The following WIPF3 variants were observed in gnomAD, a reference collection of about 807,000 sequenced individuals.
WIPF3 encodes the protein WAS/WASL interacting protein family member 3, also known as WAS/WASL-interacting protein family member 3.
Under a neutral mutation model 38.9 loss-of-function variants are expected in WIPF3, and 33 were observed. The ratio of observed to expected loss-of-function variants is 0.85; its 90% CI spans 0.64 to 1.14. The LOEUF is 1.14. Ranked by LOEUF, WIPF3 falls within the 50% of genes most tolerant of loss-of-function variation. The pLI, the probability that WIPF3 is intolerant of heterozygous loss-of-function variation, is 0.00. For synonymous variants in WIPF3, 324 were observed against 269.3 expected (o/e 1.20, Z -1.99); for missense variants, 711 against 652.5 (o/e 1.09, Z -0.98).
rs914624375 is a variant in WIPF3 at position 29,832,156 on chromosome 7, C to T, written c.-57-2512C>T. Among the ~76,000 whole-genome samples the T allele has an allele frequency of 5.3e-5, 8 of 152,276 alleles. No homozygotes were observed. The East Asian group carries it at 1.3e-3, about 26-fold the overall frequency. Reference sequence around the variant, plus strand: ...ATATAATGAGACCTCTAGATATTCTCGTTCTGTTAATACTTCAACCAACTC... The same window carrying T: ...ATATAATGAGACCTCTAGATATTCTTGTTCTGTTAATACTTCAACCAACTC... On this transcript the variant is annotated intron_variant, in intron 1 of 8. Transcript: ENST00000242140.
chr7:29,890,755 G>C (rs888342350), intron 7 of WIPF3, among the ~76,000 whole-genome samples: 1 of 148,148 alleles, frequency 6.8e-6, no homozygotes, highest in Non-Finnish European at 1.5e-5. Context: ...CAGGTGGAGG[G>C]GGCTCAGGCC....
intron 8 of WIPF3, among the ~76,000 whole-genome samples, chr7:29,911,678 A>G (rs933721822): frequency 2.6e-5 from 4 of 152,196 alleles, no homozygotes; most frequent in African/African-American, 9.6e-5. Flanking sequence ...ACCATTCAAT[A>G]GGGAAAAGGT....
chr7:29,880,715 G>A (rs975113679), intron 4 of WIPF3, among the ~76,000 whole-genome samples: 2 of 152,170 alleles, frequency 1.3e-5, no homozygotes, highest in African/African-American at 4.8e-5. Context: ...TAATGGGGAA[G>A]ACAAGAATTT....
chr7:29,884,472 AC>A lies in WIPF3; in HGVS notation c.983del (p.Pro328LeufsTer46), dbSNP rs751385800. 3.3e-6 allele frequency: 5 copies of A among 1,526,636 alleles called. No individual in the cohort carries two copies. The highest frequency in any genetic ancestry group is 4.2e-5 in the Admixed American group (2 of 48,138). The allele number at this position is 1,526,636 out of a possible 1,614,324, so 94.6% of individuals were successfully genotyped here. A position where few individuals can be genotyped will look rare whatever the true frequency, so the allele number is the denominator to read the frequency against. On this transcript the variant is annotated frameshift_variant, in exon 5 of 9. Transcript: ENST00000242140. LOFTEE classifies it high-confidence loss of function. Reference sequence around the variant, plus strand: ...GCAGCAGTGAAACTCCACCCCCGCTACCCCCTAAATCCCCCAGCTTCCAGGC... The same window carrying A: ...GCAGCAGTGAAACTCCACCCCCGCTACCCCTAAATCCCCCAGCTTCCAGGC... ...NSSSETPPPL[P>X]PKSPSFQAPP...
At chr7:29,862,141 T>C (rs1212723034) in intron 2 of WIPF3, among the ~76,000 whole-genome samples, 1 of 152,128 alleles carries the variant, frequency 6.6e-6, no homozygotes, top group Non-Finnish European at 1.5e-5. Flanking sequence ...ATATAATTCA[T>C]GGGGCATTTT....
At chr7:29,807,085 A>G (rs1343659405) in intron 1 of WIPF3, among the ~76,000 whole-genome samples, 1 of 151,966 alleles carries the variant, frequency 6.6e-6, no homozygotes, top group Non-Finnish European at 1.5e-5. Context: ...CCCCGGAACA[A>G]AAGGCTGGGG....
intron 7 of WIPF3, among the ~76,000 whole-genome samples, chr7:29,890,085 G>C (rs1383416120): frequency 6.6e-6 from 1 of 152,204 alleles, no homozygotes; most frequent in Admixed American, 6.5e-5. Context: ...AGATGAGCCA[G>C]GCATGATCCA....
Position 29,851,594 on chromosome 7 carries a change from A to G in WIPF3, c.90+16780A>G, listed in dbSNP as rs563546353. 1.1e-3 allele frequency among the ~76,000 whole-genome samples: 164 copies of G among 152,344 alleles called. 2 individuals carry two copies. Among genetic ancestry groups the G allele is most frequent in the Non-Finnish European group, 2.4e-4 (16 of 68,040 alleles). On this transcript the variant is annotated intron_variant, in intron 2 of 8. Coordinates refer to ENST00000242140, the MANE Select transcript of WIPF3 (RefSeq NM_001080529.3). Reference sequence around the variant, plus strand: ...GCCAGGCTTGGCCTGTTTGGCTTAGATAAAAGCAATTGTCAAGCAGTGGAC... The same window carrying G: ...GCCAGGCTTGGCCTGTTTGGCTTAGGTAAAAGCAATTGTCAAGCAGTGGAC...
chr7:29,818,544 A>G (rs1238378498), intron 1 of WIPF3, among the ~76,000 whole-genome samples: 1 of 148,532 alleles, frequency 6.7e-6, no homozygotes, highest in Non-Finnish European at 1.5e-5. Context: ...AATATTATAT[A>G]TAATATGTAT....
At chr7:29,901,188 AT>A (rs997241046) in intron 7 of WIPF3, among the ~76,000 whole-genome samples, 1 of 152,058 alleles carries the variant, frequency 6.6e-6, no homozygotes, top group Non-Finnish European at 1.5e-5. Flanking sequence ...AAAACCCCTG[AT>A]TTGGTGAATC....
chr7:29,904,178 C>T (rs1366826120), intron 7 of WIPF3, 108 bp from the exon 8 acceptor site: 9 of 1,024,404 alleles, frequency 8.8e-6, no homozygotes, highest in African/African-American at 1.6e-5. Flanking sequence ...GGCCAGGATC[C>T]TGAAGGTTTC....
Position 29,903,973 on chromosome 7 carries a change from C to T in WIPF3, c.1352-313C>T, listed in dbSNP as rs781076090. Among the ~76,000 whole-genome samples the T allele has an allele frequency of 9.2e-5, 14 of 152,282 alleles. No homozygotes were observed. In the South Asian group the frequency reaches 1.7e-3, roughly 18 times the overall value. ...ACTCATCTTTTACTTTTTTAGCCAGCCCTGGTATTGCTGGGCACATTGTGG... is the reference window on the plus strand; with the variant it reads ...ACTCATCTTTTACTTTTTTAGCCAGTCCTGGTATTGCTGGGCACATTGTGG... On this transcript the variant is annotated intron_variant, in intron 7 of 8. Transcript: ENST00000242140.
chr7:29,904,645 T>G, intron 8 of WIPF3: 1 of 393,694 alleles, frequency 2.5e-6, no homozygotes, highest in Non-Finnish European at 4.6e-6. Flanking sequence ...TCACTTCCCA[T>G]TCTTCCTTGG....
intron 1 of WIPF3, among the ~76,000 whole-genome samples, chr7:29,829,744 C>A (rs529919396): frequency 6.6e-6 from 1 of 152,174 alleles, no homozygotes; most frequent in Admixed American, 6.5e-5. Flanking sequence ...AAGGTGGAAG[C>A]GGAACCTGGG....
chr7:29,809,372 G>GC (rs753622456), intron 1 of WIPF3, among the ~76,000 whole-genome samples: 2 of 152,184 alleles, frequency 1.3e-5, no homozygotes, highest in Non-Finnish European at 2.9e-5. Context: ...GCATGGTTCT[G>GC]CATCACAAAG....
intron 2 of WIPF3, among the ~76,000 whole-genome samples, chr7:29,869,127 T>C (rs11984135): frequency 0.15 from 22,630 of 152,018 alleles, 1,972 homozygotes; most frequent in African/African-American, 0.24. Flanking sequence ...CCTCCCGGGT[T>C]CAAGAGATTC....
chr7:29,862,398 T>G (rs1785303717), intron 2 of WIPF3, among the ~76,000 whole-genome samples: 1 of 152,138 alleles, frequency 6.6e-6, no homozygotes, highest in Admixed American at 6.5e-5. Flanking sequence ...AAAAGGTCAG[T>G]AAGACATGGG....
At chr7:29,831,214 C>T (rs561799963) in intron 1 of WIPF3, among the ~76,000 whole-genome samples, 4 of 151,426 alleles carry the variant, frequency 2.6e-5, no homozygotes, top group African/African-American at 9.6e-5. Context: ...TATTCTTAAG[C>T]CCAAGAAGGC....
intron 1 of WIPF3, among the ~76,000 whole-genome samples, chr7:29,822,306 G>C (rs533741186): frequency 7.9e-5 from 12 of 152,076 alleles, no homozygotes; most frequent in East Asian, 1.9e-4. Context: ...TTATGACACA[G>C]AGAGAGAGAA....
Sources: allele counts gnomAD v4.1 joint callset (sites outside exome capture counted in the v4.1 genomes callset), GRCh38; gene constraint gnomAD v4.1.1; transcripts MANE v1.5; gene names NCBI Gene and HGNC (gene_info 2026-07-23, HGNC 2026-07-21).